The following BICC1 variants were observed in gnomAD, a reference collection of about 807,000 sequenced individuals.
The protein encoded by BICC1 is BicC family RNA binding protein 1.
In BICC1, 43 loss-of-function variants were observed where a neutral mutation model predicts 111.0. The ratio of observed to expected loss-of-function variants is 0.39; its 90% CI spans 0.30 to 0.50. BICC1 has a LOEUF of 0.50. Ranked by LOEUF, BICC1 falls within the 20% of genes least tolerant of loss-of-function variation. The pLI is 0.88. For missense variants in BICC1, 1,091 were observed against 1,203.2 expected (o/e 0.91, Z 1.38); for synonymous variants, 467 against 434.4 (o/e 1.07, Z -0.93).
intron 1 of BICC1, among the ~76,000 whole-genome samples, chr10:58,552,972 C>T (rs1273769072): frequency 6.6e-6 from 1 of 152,130 alleles, no homozygotes; most frequent in Non-Finnish European, 1.5e-5. Context: ...AATTTTTATT[C>T]ATCTGCCTTT....
intron 2 of BICC1, among the ~76,000 whole-genome samples, chr10:58,701,282 T>C (rs750070329): frequency 4.6e-5 from 7 of 152,214 alleles, no homozygotes; most frequent in African/African-American, 7.2e-5. Flanking sequence ...TAATTCTATG[T>C]TTGTCTTACA....
At chr10:58,561,138 TC>T (rs1843592226) in intron 1 of BICC1, among the ~76,000 whole-genome samples, 3 of 152,026 alleles carry the variant, frequency 2.0e-5, no homozygotes, top group African/African-American at 7.2e-5. Flanking sequence ...AGTGTTGAAG[TC>T]CTCAACTATT....
intron 12 of BICC1, 53 bp from the exon 13 acceptor site, chr10:58,800,141 C>G (rs1324374388): frequency 1.4e-6 from 2 of 1,394,612 alleles, no homozygotes; most frequent in Non-Finnish European, 2.0e-6. Context: ...CTTGATTTGA[C>G]TCTCTGTAAA....
intron 3 of BICC1, among the ~76,000 whole-genome samples, chr10:58,757,788 T>C (rs1352993264): frequency 6.6e-6 from 1 of 152,234 alleles, no homozygotes; most frequent in African/African-American, 2.4e-5. Flanking sequence ...GCCATAAATA[T>C]CAATGCAGTC....
intron 2 of BICC1, among the ~76,000 whole-genome samples, chr10:58,687,179 AGAACAGCAAATATTGCT>A (rs1305784107): frequency 2.6e-5 from 4 of 152,242 alleles, no homozygotes; most frequent in South Asian, 2.1e-4. Context: ...GCGGAGCTGC[AGAACAGCAAATATTGCT>A]GAACAGCAAA....
intron 1 of BICC1, among the ~76,000 whole-genome samples, chr10:58,618,893 G>T (rs986642713): frequency 1.3e-5 from 2 of 152,180 alleles, no homozygotes; most frequent in African/African-American, 4.8e-5. Context: ...CATAGGGAAA[G>T]ATAATTTCTT....
intron 1 of BICC1, among the ~76,000 whole-genome samples, chr10:58,598,935 A>C (rs1250980067): frequency 6.6e-6 from 1 of 152,234 alleles, no homozygotes; most frequent in African/African-American, 2.4e-5. Flanking sequence ...GAGAAATGCA[A>C]ATCAAAACCA....
chr10:58,533,085 T>C (rs930358788), intron 1 of BICC1, among the ~76,000 whole-genome samples: 1 of 116,134 alleles, frequency 8.6e-6, no homozygotes, highest in African/African-American at 2.7e-5. Context: ...GAAAATAACA[T>C]CTGGTTATTA....
intron 3 of BICC1, among the ~76,000 whole-genome samples, chr10:58,751,397 A>T (rs1841987797): frequency 6.6e-6 from 1 of 152,174 alleles, no homozygotes; most frequent in Non-Finnish European, 1.5e-5. Flanking sequence ...GATGTTACTA[A>T]TAAATATTTG....
intron 18 of BICC1, among the ~76,000 whole-genome samples, chr10:58,815,117 A>C (rs1182548505): frequency 2.0e-5 from 3 of 151,672 alleles, no homozygotes; most frequent in Admixed American, 2.0e-4. Context: ...AGGGTTTTTG[A>C]CAAATTTGGA....
chr10:58,743,634 AG>A (rs1841740236), intron 3 of BICC1, among the ~76,000 whole-genome samples: 1 of 152,156 alleles, frequency 6.6e-6, no homozygotes, highest in African/African-American at 2.4e-5. Context: ...TGCTAGCTTC[AG>A]TGCAGGCTCA....
In BICC1 at chr10:58,684,602, G is replaced by A. The variant is rs930795804; in HGVS notation, c.238-17472G>A. On this transcript the variant is annotated intron_variant, in intron 2 of 20. Transcript: ENST00000373886. ...TTCAACTTCTTCCTGGTTTAGTCTT[G>A]GGAGGGTGTATGTGTCAAGGAATTT... 2.0e-5 allele frequency among the ~76,000 whole-genome samples: 3 copies of A among 152,202 alleles called. No homozygotes were observed. The East Asian group carries it at 5.8e-4, about 29-fold the overall frequency.
At position 58,765,592 on chromosome 10, in the gene BICC1, G is replaced by A. The variant is rs149557247; in HGVS notation, c.308-19409G>A. ...CTCCACTGTAAATCCTGAAACATGT[G>A]CCCTGTCAAGACGGGAGAATCCCAT... is the stretch of plus-strand genomic sequence containing the variant. On this transcript the variant is annotated intron_variant, in intron 3 of 20. Transcript: ENST00000373886. Among the ~76,000 whole-genome samples, 1,244 of 152,274 alleles carry A rather than the reference G, an allele frequency of 8.2e-3. 24 individuals are homozygous for A. Among genetic ancestry groups the A allele is most frequent in the African/African-American group, 0.028 (1,177 of 41,538 alleles).
intron 3 of BICC1, among the ~76,000 whole-genome samples, chr10:58,784,128 T>G (rs1842948659): frequency 6.6e-6 from 1 of 152,308 alleles, no homozygotes; most frequent in Admixed American, 6.5e-5. Flanking sequence ...CTTTTTCTTT[T>G]TTCATAACAT....
chr10:58,799,689 C>T (rs1184266246), intron 12 of BICC1, among the ~76,000 whole-genome samples: 4 of 151,926 alleles, frequency 2.6e-5, no homozygotes, highest in Non-Finnish European at 4.4e-5. Context: ...TTCTCTATTC[C>T]GTTCCCTTGG....
At chr10:58,806,067 T>G (rs1488142979) in intron 15 of BICC1, among the ~76,000 whole-genome samples, 1 of 152,224 alleles carries the variant, frequency 6.6e-6, no homozygotes, top group African/African-American at 2.4e-5. Flanking sequence ...ATCTCACATC[T>G]CACTTCAAAA....
chr10:58,781,698 C>T (rs1422332516), intron 3 of BICC1, among the ~76,000 whole-genome samples: 3 of 152,114 alleles, frequency 2.0e-5, no homozygotes, highest in Non-Finnish European at 1.5e-5. Flanking sequence ...AAATCTTAAT[C>T]CCTTTTGGTA....
intron 20 of BICC1, 90 bp from the exon 21 acceptor site, chr10:58,828,671 C>A: frequency 7.2e-7 from 1 of 1,386,688 alleles, no homozygotes; most frequent in Non-Finnish European, 9.7e-7. Flanking sequence ...AAACCTACCA[C>A]GTCACCATTT....
intron 2 of BICC1, among the ~76,000 whole-genome samples, chr10:58,688,811 T>C (rs1194499812): frequency 6.6e-6 from 1 of 151,752 alleles, no homozygotes; most frequent in Non-Finnish European, 1.5e-5. Context: ...TTCTCACTCA[T>C]AAGTGGGAGC....
Sources: allele counts gnomAD v4.1 joint callset (sites outside exome capture counted in the v4.1 genomes callset), GRCh38; gene constraint gnomAD v4.1.1; transcripts MANE v1.5; gene names NCBI Gene and HGNC (gene_info 2026-07-23, HGNC 2026-07-21).